The following DOK6 variants were observed in gnomAD, a reference collection of about 807,000 sequenced individuals.
DOK6 encodes downstream of tyrosine kinase 6.
DOK6 carries 22 observed loss-of-function variants against 44.0 expected under a neutral mutation model. The ratio of observed to expected loss-of-function variants is 0.50; its 90% confidence interval spans 0.36 to 0.71. The LOEUF (loss-of-function observed/expected upper bound fraction) is 0.71, where lower values mean the gene tolerates loss of function less well. Among genes scored for constraint, DOK6 ranks in the 30% least tolerant of loss-of-function variants. DOK6 has a pLI of 0.00. For synonymous variants in DOK6, 166 were observed against 145.5 expected, an observed-to-expected ratio of 1.14 and a Z score of -1.01; for missense variants, 340 against 416.4, an observed-to-expected ratio of 0.82 and a Z score of 1.60.
chr18:69,829,256 A>T (rs556551775), intron 7 of DOK6, among the ~76,000 whole-genome samples: 1,958 of 36,870 alleles, frequency 0.053, 15 homozygotes, highest in South Asian at 0.17. Context: ...TCCTTAATTA[A>T]AAAAAAAAAA....
chr18:69,523,686 C>CTT (rs1414107417), intron 1 of DOK6, among the ~76,000 whole-genome samples: 1 of 150,016 alleles, frequency 6.7e-6, no homozygotes, highest in Non-Finnish European at 1.5e-5. Context: ...AAGTTTTTTT[C>CTT]TTGTCTCTTT....
In DOK6 at chr18:69,768,956, T is replaced by C. The variant is rs186849545; in HGVS notation, c.856+11083T>C. On this transcript the variant is annotated intron_variant, in intron 7 of 7. Transcript: ENST00000382713. ...TATGCTAAGATTTGAAGGGTGTGCG[T>C]GTGTGTGTGTGTGTGTGTGTGTGTG... Among the ~76,000 whole-genome samples the C allele has an allele frequency of 2.8e-3, 413 of 149,628 alleles. 4 individuals are homozygous for C. The highest frequency in any genetic ancestry group is 9.8e-3 in the African/African-American group (396 of 40,434).
intron 3 of DOK6, among the ~76,000 whole-genome samples, chr18:69,635,756 C>A (rs1366091766): frequency 2.0e-5 from 3 of 152,164 alleles, no homozygotes; most frequent in South Asian, 2.1e-4. Flanking sequence ...ACTTCCCTAC[C>A]CAGACAGAGG....
At chr18:69,503,464 A>G (rs931231727) in intron 1 of DOK6, among the ~76,000 whole-genome samples, 12 of 152,122 alleles carry the variant, frequency 7.9e-5, no homozygotes, top group African/African-American at 2.4e-4. Context: ...CTAAATTAAT[A>G]AAGTTCTCAT....
intron 7 of DOK6, among the ~76,000 whole-genome samples, chr18:69,782,751 G>A (rs958782753): frequency 2.6e-5 from 4 of 152,082 alleles, no homozygotes; most frequent in Non-Finnish European, 5.9e-5. Flanking sequence ...GCAACAGAGC[G>A]AGACTCCGTC....
Position 69,677,794 on chromosome 18 carries a change from A to G in DOK6, c.350A>G (p.Asn117Ser), listed in dbSNP as rs375443716. ...LCMECLGTRL[N>S]DISLGEPDLL... ...ATGGAGTGTCTGGGGACCAGGCTCA[A>G]TGATATCAGCCTTGGGGAGCCCGAC... is the stretch of plus-strand genomic sequence containing the variant. Residue 117 changes from asparagine to serine, a missense_variant, in exon 4 of 8, where the codon AAT becomes AGT. Physicochemically the swap from Asn to Ser is conservative, Grantham distance 46. This residue lies in a region of DOK6 where 206 missense variants were observed against 258.6 expected (regional missense o/e 0.80). Transcript: ENST00000382713. 2.3e-4 allele frequency: 378 copies of G among 1,613,782 alleles called. No individual in the cohort carries two copies. Among genetic ancestry groups the G allele is most frequent in the Non-Finnish European group, 3.1e-4 (369 of 1,179,856 alleles).
chr18:69,806,008 T>A (rs1203572594), intron 7 of DOK6, among the ~76,000 whole-genome samples: 2 of 151,944 alleles, frequency 1.3e-5, no homozygotes, highest in Non-Finnish European at 2.9e-5. Context: ...AATTTCTGCT[T>A]GAAAAAGTAT....
intron 1 of DOK6, among the ~76,000 whole-genome samples, chr18:69,499,241 G>T: frequency 6.6e-6 from 1 of 151,356 alleles, no homozygotes; most frequent in East Asian, 1.9e-4. Flanking sequence ...ATATATATGA[G>T]ATAATGAATA....
intron 1 of DOK6, among the ~76,000 whole-genome samples, chr18:69,555,764 T>A (rs1982672135): frequency 6.6e-6 from 1 of 152,242 alleles, no homozygotes; most frequent in Non-Finnish European, 1.5e-5. Flanking sequence ...TTGAAAATAA[T>A]TCATATTATG....
At position 69,617,092 on chromosome 18, in the gene DOK6, T is replaced by TAAA. The variant is rs34064614; in HGVS notation, c.289+17602_289+17604dup. Among the ~76,000 whole-genome samples the TAAA allele has an allele frequency of 7.1e-3, 1,070 of 150,974 alleles. 3 individuals are homozygous for TAAA. Among genetic ancestry groups the TAAA allele is most frequent in the African/African-American group, 0.015 (613 of 41,212 alleles). The stretch of plus-strand genomic sequence containing the variant: ...GTCCCTTGTATATCCATATATTTGT[T>TAAA]AAAAAAAAAATTCACTACAAACAGA... On this transcript the variant is annotated intron_variant, in intron 3 of 7. Coordinates refer to ENST00000382713, the MANE Select transcript of DOK6 (RefSeq NM_152721.6).
chr18:69,639,326 T>C (rs964109925), intron 3 of DOK6, among the ~76,000 whole-genome samples: 1 of 152,172 alleles, frequency 6.6e-6, no homozygotes. Context: ...TTTACAGCAC[T>C]GAAGGACCTT....
intron 1 of DOK6, among the ~76,000 whole-genome samples, chr18:69,554,946 CT>C (rs1189986347): frequency 6.6e-6 from 1 of 152,112 alleles, no homozygotes; most frequent in African/African-American, 2.4e-5. Context: ...TAAGCGCCTG[CT>C]CAAGTATCTT....
intron 5 of DOK6, among the ~76,000 whole-genome samples, chr18:69,712,526 T>C (rs1986789720): frequency 1.3e-5 from 2 of 152,060 alleles, no homozygotes; most frequent in Admixed American, 1.3e-4. Flanking sequence ...CCAAACTCTC[T>C]GGGCATGCCA....
chr18:69,697,392 C>T (rs941046458), intron 4 of DOK6, among the ~76,000 whole-genome samples: 1 of 151,714 alleles, frequency 6.6e-6, no homozygotes, highest in African/African-American at 2.4e-5. Context: ...AGAGGTATAT[C>T]TGCCAGTAAT....
intron 5 of DOK6, among the ~76,000 whole-genome samples, chr18:69,722,438 A>C (rs940254821): frequency 1.5e-4 from 23 of 152,180 alleles, no homozygotes; most frequent in African/African-American, 5.6e-4. Context: ...TTTTAGAGAC[A>C]GCTACTATAT....
intron 7 of DOK6, among the ~76,000 whole-genome samples, chr18:69,791,252 C>A (rs1980587899): frequency 6.6e-6 from 1 of 152,152 alleles, no homozygotes; most frequent in Non-Finnish European, 1.5e-5. Context: ...TATTTCTTTT[C>A]TTTTGGGAAT....
At chr18:69,603,570 G>C (rs374920004) in intron 3 of DOK6, among the ~76,000 whole-genome samples, 13 of 152,250 alleles carry the variant, frequency 8.5e-5, no homozygotes, top group African/African-American at 3.1e-4. Context: ...AGGAGATCGA[G>C]AGCATCCTGG....
intron 1 of DOK6, among the ~76,000 whole-genome samples, chr18:69,448,758 T>C (rs1247138654): frequency 1.3e-5 from 2 of 152,214 alleles, no homozygotes; most frequent in Non-Finnish European, 2.9e-5. Context: ...TAATCAGAAG[T>C]ATTGTTATAT....
chr18:69,743,841 A>G (rs1978886950), intron 6 of DOK6, among the ~76,000 whole-genome samples: 1 of 150,756 alleles, frequency 6.6e-6, no homozygotes, highest in Non-Finnish European at 1.5e-5. Flanking sequence ...AAAAAACAGC[A>G]TTTAGGATGC....
Sources: gnomAD v4.1 joint callset for allele counts (sites outside exome capture counted in the v4.1 genomes callset) on GRCh38, gnomAD v4.1.1 for gene constraint, gnomAD v4.1.1 regional missense constraint, MANE v1.5 for transcripts, NCBI Gene and HGNC (gene_info 2026-07-23, HGNC 2026-07-21) for gene names.